RIT2: variants seen among roughly 807,000 people sequenced by gnomAD.
RIT2 encodes the protein GTP-binding protein Rit2.
In RIT2, 24 loss-of-function variants were observed where a neutral mutation model predicts 23.7. That is an observed-to-expected ratio of 1.01 (90% confidence interval 0.73 to 1.43). The LOEUF (loss-of-function observed/expected upper bound fraction) is 1.43. RIT2 is among the 40% of genes most tolerant of loss of function. RIT2 has a pLI of 0.00. For synonymous variants in RIT2, 107 were observed against 91.1 expected, an observed-to-expected ratio of 1.17 and a Z score of -0.99; for missense variants, 236 against 266.9, an observed-to-expected ratio of 0.88 and a Z score of 0.81.
chr18:42,946,203 G>A lies in RIT2; in HGVS notation c.235-22440C>T, dbSNP rs369399829. 3.2e-4 allele frequency among the ~76,000 whole-genome samples: 49 copies of A among 152,182 alleles called. 1 individual carries two copies. The East Asian group carries it at 7.9e-3, about 25-fold the overall frequency. On this transcript the variant is annotated intron_variant, in intron 3 of 4. Transcript: ENST00000326695. ...CTAATACGACATTTTTATTTAAAAA[G>A]TTGCACTTGTAATAATCTCTTAATG...
At chr18:42,847,861 T>C (rs960917943) in intron 4 of RIT2, among the ~76,000 whole-genome samples, 1 of 151,542 alleles carries the variant, frequency 6.6e-6, no homozygotes, top group Non-Finnish European at 1.5e-5. Context: ...AATTGCTGTA[T>C]TTTTTGAGTA....
chr18:42,779,154 T>G (rs1360165501), intron 4 of RIT2, among the ~76,000 whole-genome samples: 1 of 152,208 alleles, frequency 6.6e-6, no homozygotes, highest in Non-Finnish European at 1.5e-5. Flanking sequence ...TTAGACTGGC[T>G]TCTTCCTGCC....
At chr18:43,020,434 C>T (rs1477887897) in intron 2 of RIT2, among the ~76,000 whole-genome samples, 2 of 151,774 alleles carry the variant, frequency 1.3e-5, no homozygotes, top group Non-Finnish European at 2.9e-5. Flanking sequence ...TGCAGTGAGC[C>T]GAGATCATGT....
intron 2 of RIT2, among the ~76,000 whole-genome samples, chr18:43,031,806 ATATT>A (rs1911860292): frequency 6.6e-6 from 1 of 152,090 alleles, no homozygotes; most frequent in Non-Finnish European, 1.5e-5. Flanking sequence ...GGATTGAAAA[ATATT>A]TATTTCCTAT....
intron 4 of RIT2, among the ~76,000 whole-genome samples, chr18:42,810,254 T>A (rs975009298): frequency 1.3e-5 from 2 of 151,560 alleles, no homozygotes; most frequent in Non-Finnish European, 3.0e-5. Context: ...TTATGGGCTA[T>A]TACAAATACT....
intron 1 of RIT2, among the ~76,000 whole-genome samples, chr18:43,088,077 T>A (rs1426314437): frequency 6.6e-6 from 1 of 152,198 alleles, no homozygotes; most frequent in African/African-American, 2.4e-5. Context: ...AGCTGTATAG[T>A]CTTGAGCAAA....
intron 4 of RIT2, among the ~76,000 whole-genome samples, chr18:42,772,013 T>A (rs1016610170): frequency 6.6e-6 from 1 of 152,062 alleles, no homozygotes; most frequent in South Asian, 2.1e-4. Flanking sequence ...TGCAAGCAAC[T>A]CAGATCTGCT....
chr18:42,802,494 C>T (rs971666195), intron 4 of RIT2, among the ~76,000 whole-genome samples: 1 of 152,080 alleles, frequency 6.6e-6, no homozygotes, highest in African/African-American at 2.4e-5. Context: ...GAAGGATGAA[C>T]TGATATGGAA....
chr18:42,744,359 G>C (rs916862357), intron 4 of RIT2, among the ~76,000 whole-genome samples: 1 of 152,172 alleles, frequency 6.6e-6, no homozygotes, highest in Non-Finnish European at 1.5e-5. Flanking sequence ...TGTTTTAAGA[G>C]AGAATCCTAG....
At chr18:42,823,063 G>A (rs1287271530) in intron 4 of RIT2, among the ~76,000 whole-genome samples, 1 of 152,130 alleles carries the variant, frequency 6.6e-6, no homozygotes, top group Non-Finnish European at 1.5e-5. Context: ...GCACTGGGGG[G>A]CAAGAAAGAG....
chr18:43,034,956 T>C (rs1455003726), intron 1 of RIT2, among the ~76,000 whole-genome samples: 1 of 152,212 alleles, frequency 6.6e-6, no homozygotes, highest in Non-Finnish European at 1.5e-5. Context: ...ATGTCCTTTC[T>C]GTGTTTGGAA....
chr18:42,748,885 C>G (rs1912980568), intron 4 of RIT2, among the ~76,000 whole-genome samples: 3 of 151,904 alleles, frequency 2.0e-5, no homozygotes, highest in Non-Finnish European at 4.4e-5. Context: ...CAAACACCTA[C>G]TGTTCCCTCA....
intron 2 of RIT2, among the ~76,000 whole-genome samples, chr18:42,990,692 C>G (rs1238734441): frequency 2.0e-5 from 3 of 152,164 alleles, no homozygotes; most frequent in Non-Finnish European, 4.4e-5. Flanking sequence ...ATTCAGTTTA[C>G]TTTCTTCTCA....
At chr18:43,049,124 T>C (rs1912318238) in intron 1 of RIT2, among the ~76,000 whole-genome samples, 1 of 152,122 alleles carries the variant, frequency 6.6e-6, no homozygotes, top group South Asian at 2.1e-4. Flanking sequence ...TTAAGTGAAT[T>C]ATGGAGAGAA....
chr18:43,076,793 T>C (rs1216761699), intron 1 of RIT2, among the ~76,000 whole-genome samples: 1 of 152,088 alleles, frequency 6.6e-6, no homozygotes, highest in Non-Finnish European at 1.5e-5. Context: ...GCAAAGAGTG[T>C]GTTGTTTCTT....
At chr18:42,934,738 G>A (rs891290693) in intron 3 of RIT2, among the ~76,000 whole-genome samples, 4 of 151,964 alleles carry the variant, frequency 2.6e-5, no homozygotes, top group African/African-American at 9.7e-5. Context: ...AATGTATTTT[G>A]GTGCCTAGGA....
At chr18:42,800,266 T>C (rs1212992101) in intron 4 of RIT2, among the ~76,000 whole-genome samples, 1 of 152,196 alleles carries the variant, frequency 6.6e-6, no homozygotes, top group East Asian at 1.9e-4. Context: ...GGACAGCACA[T>C]TTCCCTGAAG....
chr18:42,818,199 T>G (rs1474748159), intron 4 of RIT2, among the ~76,000 whole-genome samples: 2 of 152,020 alleles, frequency 1.3e-5, no homozygotes, highest in African/African-American at 2.4e-5. Flanking sequence ...TACTAAATAT[T>G]CCACCAGAAA....
chr18:43,031,145 G>A (rs992694812), intron 2 of RIT2, among the ~76,000 whole-genome samples: 20 of 151,616 alleles, frequency 1.3e-4, no homozygotes, highest in Non-Finnish European at 1.5e-4. Flanking sequence ...TCTTGTCTCG[G>A]TGCCTATACT....
Sources: allele counts gnomAD v4.1 joint callset (sites outside exome capture counted in the v4.1 genomes callset), GRCh38; gene constraint gnomAD v4.1.1; transcripts MANE v1.5; gene names NCBI Gene and HGNC (gene_info 2026-07-23, HGNC 2026-07-21).